The following FER variants were observed in gnomAD, a reference collection of about 807,000 sequenced individuals.
FER encodes FER tyrosine kinase, also known as tyrosine-protein kinase Fer.
A neutral mutation model predicts 111.0 loss-of-function variants in FER; 63 were observed. The observed-to-expected ratio is 0.57, with a 90% CI of 0.46 to 0.70. The LOEUF is 0.70. FER is among the 30% of genes least tolerant of loss of function. The probability of loss-of-function intolerance (pLI) is 0.00; values close to 1 mark genes in which losing one functional copy is unlikely to be tolerated. For synonymous variants in FER, 327 were observed against 313.9 expected (o/e 1.04, Z -0.44); for missense variants, 914 against 954.0 (o/e 0.96, Z 0.55).
chr5:109,050,391 G>A (rs559650508), intron 16 of FER, among the ~76,000 whole-genome samples: 1 of 152,288 alleles, frequency 6.6e-6, no homozygotes, highest in South Asian at 2.1e-4. Flanking sequence ...CACTGTATGT[G>A]CATTATTTTC....
intron 3 of FER, among the ~76,000 whole-genome samples, chr5:108,830,282 C>T (rs1030829161): frequency 2.0e-5 from 3 of 152,032 alleles, no homozygotes; most frequent in East Asian, 1.9e-4. Flanking sequence ...GACAAAACCC[C>T]GCCTCTACTA....
chr5:108,965,112 T>A lies in FER; in HGVS notation c.1656+5765T>A, dbSNP rs191052815. On this transcript the variant is annotated intron_variant, in intron 13 of 19. Transcript: ENST00000281092. ...AAGGTTTCTATTTAATTGGCTTTTT[T>A]AAATCAATTAATTAGGTCTATTGAG... Among the ~76,000 whole-genome samples, 54 of 152,324 alleles carry A rather than the reference T, an allele frequency of 3.5e-4. No homozygotes were observed. In the East Asian group the frequency reaches 5.6e-3, roughly 16 times the overall value.
chr5:109,000,067 A>G (rs1007299175), intron 13 of FER, among the ~76,000 whole-genome samples: 38 of 151,662 alleles, frequency 2.5e-4, no homozygotes, highest in African/African-American at 9.0e-4. Context: ...CTGCATTGCT[A>G]TGTGTTGGAC....
chr5:108,918,665 T>G (rs1441997801), intron 10 of FER, among the ~76,000 whole-genome samples: 2 of 151,948 alleles, frequency 1.3e-5, no homozygotes, highest in African/African-American at 4.8e-5. Context: ...TTTTTTGTAT[T>G]TTTACTAGAG....
chr5:109,176,040 G>T (rs1359476135), intron 17 of FER, among the ~76,000 whole-genome samples: 1 of 152,084 alleles, frequency 6.6e-6, no homozygotes, highest in Admixed American at 6.5e-5. Flanking sequence ...AGAAAAGGAA[G>T]CTCTTATACA....
chr5:109,003,905 A>G (rs1174095923), intron 13 of FER, among the ~76,000 whole-genome samples: 1 of 152,152 alleles, frequency 6.6e-6, no homozygotes, highest in African/African-American at 2.4e-5. Flanking sequence ...ACTTAAGCCC[A>G]GGGGGTTGAG....
At chr5:108,883,279 A>G in intron 8 of FER, 117 bp from the exon 9 acceptor site, 1 of 937,048 alleles carries the variant, frequency 1.1e-6, no homozygotes, top group Non-Finnish European at 1.5e-6. Flanking sequence ...AGTTTGAATC[A>G]GATTATATGT....
At chr5:109,168,954 T>G (rs562826670) in intron 17 of FER, among the ~76,000 whole-genome samples, 15 of 152,256 alleles carry the variant, frequency 9.9e-5, no homozygotes, top group African/African-American at 3.6e-4. Flanking sequence ...CCACCTGGAG[T>G]CTTTCAGACA....
At chr5:109,106,010 C>T (rs929166006) in intron 17 of FER, among the ~76,000 whole-genome samples, 21 of 152,110 alleles carry the variant, frequency 1.4e-4, no homozygotes, top group African/African-American at 5.1e-4. Flanking sequence ...AGTATCGTGC[C>T]CAAGATCATA....
At chr5:108,877,547 T>C (rs541571374) in intron 8 of FER, among the ~76,000 whole-genome samples, 8 of 152,240 alleles carry the variant, frequency 5.3e-5, no homozygotes, top group Non-Finnish European at 8.8e-5. Context: ...TTGTCATCCA[T>C]AAAAATCCTA....
intron 13 of FER, among the ~76,000 whole-genome samples, chr5:109,030,367 G>A (rs1769425604): frequency 6.6e-6 from 1 of 152,014 alleles, no homozygotes; most frequent in Admixed American, 6.6e-5. Context: ...TTGATATGAT[G>A]GATGATTTTT....
chr5:109,023,606 A>G (rs770292631), intron 13 of FER, among the ~76,000 whole-genome samples: 4 of 151,572 alleles, frequency 2.6e-5, no homozygotes, highest in African/African-American at 9.7e-5. Flanking sequence ...TGGTTCCCTT[A>G]TGTCCATTTT....
intron 16 of FER, among the ~76,000 whole-genome samples, chr5:109,048,128 ATATAT>A (rs1772258502): frequency 6.6e-6 from 1 of 152,280 alleles, no homozygotes; most frequent in Middle Eastern, 3.4e-3. Flanking sequence ...TTTAATTAAA[ATATAT>A]TAAGTAAACA....
At chr5:108,826,209 TTAATA>T (rs1759453729) in intron 3 of FER, among the ~76,000 whole-genome samples, 1 of 152,232 alleles carries the variant, frequency 6.6e-6, no homozygotes, top group Non-Finnish European at 1.5e-5. Context: ...CATTATTCTG[TTAATA>T]TAATGTGTCA....
At chr5:108,927,023 G>A (rs1292280144) in intron 10 of FER, among the ~76,000 whole-genome samples, 1 of 151,886 alleles carries the variant, frequency 6.6e-6, no homozygotes, top group East Asian at 1.9e-4. Flanking sequence ...CTGCTTTTCT[G>A]GGTCATCTGT....
intron 1 of FER, among the ~76,000 whole-genome samples, chr5:108,767,027 G>A (rs970788674): frequency 3.9e-5 from 6 of 152,170 alleles, no homozygotes; most frequent in African/African-American, 7.2e-5. Flanking sequence ...GAGGCCAGGC[G>A]CAGTGACCCA....
chr5:109,081,212 G>T (rs1218512292), intron 16 of FER, among the ~76,000 whole-genome samples: 1 of 152,108 alleles, frequency 6.6e-6, no homozygotes, highest in African/African-American at 2.4e-5. Flanking sequence ...GCAAGTTTAT[G>T]TAGTAAAACT....
intron 13 of FER, among the ~76,000 whole-genome samples, chr5:108,960,811 C>T (rs1759046660): frequency 6.6e-6 from 1 of 152,130 alleles, no homozygotes; most frequent in Non-Finnish European, 1.5e-5. Context: ...CAAGTGATGC[C>T]ACCAAATACC....
At chr5:108,926,038 A>G (rs1181980942) in intron 10 of FER, among the ~76,000 whole-genome samples, 2 of 150,994 alleles carry the variant, frequency 1.3e-5, no homozygotes, top group East Asian at 1.9e-4. Context: ...TCTCTGATAT[A>G]TATTCTTTTA....
Sources: allele counts gnomAD v4.1 joint callset (sites outside exome capture counted in the v4.1 genomes callset), GRCh38; gene constraint gnomAD v4.1.1; transcripts MANE v1.5; gene names NCBI Gene and HGNC (gene_info 2026-07-23, HGNC 2026-07-21).